Variants in GCN1 observed in about 807,000 individuals in gnomAD.
GCN1 encodes the protein GCN1 activator of EIF2AK4.
A neutral mutation model predicts 288.4 loss-of-function variants in GCN1; 90 were observed. The ratio of observed to expected loss-of-function variants is 0.31; its 90% CI spans 0.26 to 0.37. The LOEUF (loss-of-function observed/expected upper bound fraction) is 0.37, where lower values mean the gene tolerates loss of function less well. Among genes scored for constraint, GCN1 ranks in the 10% least tolerant of loss-of-function variants. The pLI is 1.00. For synonymous variants in GCN1, 1,386 were observed against 1,420.2 expected, an observed-to-expected ratio of 0.98 and a Z score of 0.54; for missense variants, 2,586 against 3,419.9, an observed-to-expected ratio of 0.76 and a Z score of 6.08.
Position 120,144,377 on chromosome 12 carries a change from G to A in GCN1, c.5424C>T (p.Tyr1808=), listed in dbSNP as rs566808528. 21 of 1,614,188 alleles carry A rather than the reference G, an allele frequency of 1.3e-5. No homozygotes were observed. The African/African-American group carries it at 1.7e-4, about 13-fold the overall frequency. ...GCAGCAGGGCGATGGCTGTCTCAGC[G>A]TACATGGAGATAACCCGCTGGCCCG... ...LRAGQRVISM[Y]AETAIALLLP... The change falls in exon 42 of 58, where the codon TAC becomes TAT. Residue 1808 remains tyrosine, a synonymous_variant. Coordinates refer to ENST00000300648, the MANE Select transcript of GCN1 (RefSeq NM_006836.2). This position sits in a 1 kb window ranked among gnomAD's most constrained non-coding sequence, Gnocchi z 4.7.
intron 16 of GCN1, among the ~76,000 whole-genome samples, chr12:120,166,560 C>T (rs942272356): frequency 6.6e-6 from 1 of 151,080 alleles, no homozygotes; most frequent in Non-Finnish European, 1.5e-5. Flanking sequence ...AAAAATTAGC[C>T]AGGCGTGGCG....
intron 16 of GCN1, among the ~76,000 whole-genome samples, chr12:120,167,739 C>T (rs1047568027): frequency 2.0e-5 from 3 of 152,048 alleles, no homozygotes; most frequent in African/African-American, 4.8e-5. Flanking sequence ...ATGAGTCAAA[C>T]GACTCTTCAA....
In GCN1 at chr12:120,153,947, AG is replaced by A. The variant is rs747810481; in HGVS notation, c.3702-39del. ...TGGGAGCACATCAGGAGGGGCAGTC[AG>A]GGGGCCTCCTCTGCCAGTGGAACCT... On this transcript the variant is annotated intron_variant, in intron 31 of 57. Coordinates refer to ENST00000300648, the MANE Select transcript of GCN1 (RefSeq NM_006836.2). This position sits in a 1 kb window ranked among gnomAD's most constrained non-coding sequence, Gnocchi z 4.4. 2.5e-6 allele frequency: 4 copies of A among 1,584,070 alleles called. No individual in the cohort carries two copies. In the African/African-American group the frequency reaches 4.0e-5, roughly 16 times the overall value.
At position 120,153,190 on chromosome 12, in the gene GCN1, G is replaced by A. The variant is rs1321058376; in HGVS notation, c.4062+23C>T. ...TCCCAATTCTCTAACCGACATGTGG[G>A]TCCCAGGCCAGATGGCAGGTACCTG... On this transcript the variant is annotated intron_variant, in intron 33 of 57. Transcript: ENST00000300648. This position sits in a 1 kb window ranked among gnomAD's most constrained non-coding sequence, Gnocchi z 4.4. The A allele has an allele frequency of 1.2e-6, 2 of 1,606,308 alleles. No individual in the cohort carries two copies. Among genetic ancestry groups the A allele is most frequent in the Admixed American group, 1.7e-5 (1 of 59,968 alleles).
chr12:120,149,975 C>A lies in GCN1; in HGVS notation c.4378G>T (p.Val1460Leu). Residue 1460 changes from valine to leucine, a missense_variant, in exon 35 of 58, where the codon GTG (valine) becomes TTG (leucine). Coordinates refer to ENST00000300648, the MANE Select transcript of GCN1 (RefSeq NM_006836.2). Reference protein sequence around the residue: ...GKLFEPYVVHVLPHLLLCFGD... With the variant: ...GKLFEPYVVHLLPHLLLCFGD... ...AAGCACAGGAGCAGATGGGGCAGCACGTGAACCACATACGGCTCAAAAAGT... is the reference window on the plus strand; with the variant it reads ...AAGCACAGGAGCAGATGGGGCAGCAAGTGAACCACATACGGCTCAAAAAGT... 6.2e-7 allele frequency: 1 copy of A among 1,614,082 alleles called. No individual in the cohort carries two copies. The highest frequency in any genetic ancestry group is 8.5e-7 in the Non-Finnish European group (1 of 1,179,980).
Position 120,142,659 on chromosome 12 carries a change from G to A in GCN1, c.5677C>T (p.Arg1893Cys). Residue 1893 changes from arginine (R) to cysteine (C), a missense_variant, in exon 44 of 58, where the codon CGC becomes TGC. Physicochemically the swap from Arg to Cys is radical, Grantham distance 180. This residue lies in a region of GCN1 where 437 missense variants were observed against 570.5 expected (regional missense o/e 0.77). Coordinates refer to ENST00000300648, the MANE Select transcript of GCN1 (RefSeq NM_006836.2). The surrounding 1 kb of genome is among the most constrained non-coding windows in gnomAD (Gnocchi z 4.9). ...CGCACCACCAGCTGGGTGTCTGAGC[G>A]GCCCATGTACAGCCCTGCCAACACC... ...NRVLAGLYMG[R>C]SDTQLVVRQA... The A allele has an allele frequency of 6.2e-7, 1 of 1,614,058 alleles. No homozygotes were observed. The highest frequency in any genetic ancestry group is 8.5e-7 in the Non-Finnish European group (1 of 1,180,010).
Position 120,165,034 on chromosome 12 carries a change from CACAT to C in GCN1, c.1613-317_1613-314del, listed in dbSNP as rs775311178. ...ACACACACACACACACACACACACA[CACAT>C]ATATATATATATATTTTTTTTTTTG... On this transcript the variant is annotated intron_variant, in intron 16 of 57. Coordinates refer to ENST00000300648, the MANE Select transcript of GCN1 (RefSeq NM_006836.2). Among the ~76,000 whole-genome samples the C allele has an allele frequency of 9.7e-3, 1,111 of 115,022 alleles. 4 individuals carry two copies. The highest frequency in any genetic ancestry group is 0.022 in the African/African-American group (713 of 33,068). The allele number at this position is 115,022 out of a possible 152,430, so 75.5% of individuals were successfully genotyped here. A position where few individuals can be genotyped will look rare whatever the true frequency, so the allele number is the denominator to read the frequency against.
At position 120,144,545 on chromosome 12, in the gene GCN1, A is replaced by T; in HGVS notation, c.5352+94T>A. On this transcript the variant is annotated intron_variant, in intron 41 of 57. Coordinates refer to ENST00000300648, the MANE Select transcript of GCN1 (RefSeq NM_006836.2). This position sits in a 1 kb window ranked among gnomAD's most constrained non-coding sequence, Gnocchi z 4.7. The stretch of plus-strand genomic sequence containing the variant: ...CTGAAGGCTGAGGGCTCTGCCAACC[A>T]ACCCCAGCCAGCAGGGATCTCTAGC... 1 of 1,553,806 alleles carries T rather than the reference A, an allele frequency of 6.4e-7. No individual in the cohort carries two copies. Among genetic ancestry groups the T allele is most frequent in the Non-Finnish European group, 8.8e-7 (1 of 1,138,586 alleles).
At position 120,153,126 on chromosome 12, in the gene GCN1, A is replaced by C. The variant is rs569786339; in HGVS notation, c.4062+87T>G. On this transcript the variant is annotated intron_variant, in intron 33 of 57. Transcript: ENST00000300648. The surrounding 1 kb of genome is among the most constrained non-coding windows in gnomAD (Gnocchi z 4.4). ...GGGCTTTCAGGGCCCTGATTGTCCA[A>C]CTCCACCCCTAGTATCCCACCGCCT... is the stretch of plus-strand genomic sequence containing the variant. 5 of 1,144,998 alleles carry C rather than the reference A, an allele frequency of 4.4e-6. No individual in the cohort carries two copies. The East Asian group carries it at 1.2e-4, about 28-fold the overall frequency. The allele number at this position is 1,144,998 out of a possible 1,614,324, so 70.9% of individuals were successfully genotyped here. A position where few individuals can be genotyped will look rare whatever the true frequency, so the allele number is the denominator to read the frequency against.
intron 16 of GCN1, among the ~76,000 whole-genome samples, chr12:120,167,925 C>T (rs1878185600): frequency 1.3e-5 from 2 of 152,068 alleles, no homozygotes; most frequent in African/African-American, 4.8e-5. Flanking sequence ...ACAAGAAAAC[C>T]TCCGAGACAG....
intron 5 of GCN1, among the ~76,000 whole-genome samples, chr12:120,180,715 G>A (rs1594287462): frequency 6.6e-6 from 1 of 151,662 alleles, no homozygotes; most frequent in African/African-American, 2.4e-5. Flanking sequence ...GTGGCCGGGC[G>A]CGGTGGCTCA....
At position 120,184,885 on chromosome 12, in the gene GCN1, G is replaced by A; in HGVS notation, c.124C>T (p.Leu42Phe). 1 of 1,604,878 alleles carries A rather than the reference G, an allele frequency of 6.2e-7. No individual in the cohort carries two copies. Among genetic ancestry groups the A allele is most frequent in the South Asian group, 1.1e-5 (1 of 90,886 alleles). The change falls in exon 3 of 58, where the codon CTT (leucine) becomes TTT (phenylalanine). Residue 42 changes from leucine to phenylalanine, a missense_variant and splice_region_variant. Transcript: ENST00000300648. ...ELGKCVAGKDLPEGAVKGLCK... is the reference protein window; with the variant it reads ...ELGKCVAGKDFPEGAVKGLCK... ...AGCCCCTTCACTGCTCCCTCTGGAA[G>A]ATCTGAAACCAGAGATTACACAGAC...
In GCN1 at chr12:120,175,164, G is replaced by A. The variant is rs772153885; in HGVS notation, c.1091C>T (p.Ser364Leu). ...TVVAQKMSVL[S>L]GIGSVSHHVV... is the part of the protein sequence containing the mutation. ...AAAAAAAAAAAGAAATCCTATACCT[G>A]AGAGGACGCTCATCTTCTGGGCTAC... The change falls in exon 12 of 58, where the codon TCA (serine) becomes TTA (leucine). Residue 364 changes from serine to leucine, a missense_variant and splice_region_variant. Physicochemically the swap from Ser to Leu is moderately radical, Grantham distance 145. Coordinates refer to ENST00000300648, the MANE Select transcript of GCN1 (RefSeq NM_006836.2). The A allele has an allele frequency of 3.3e-6, 5 of 1,512,684 alleles. No homozygotes were observed. Among genetic ancestry groups the A allele is most frequent in the Non-Finnish European group, 4.6e-6 (5 of 1,090,900 alleles). The allele number at this position is 1,512,684 out of a possible 1,614,324, so 93.7% of individuals were successfully genotyped here.
Position 120,134,856 on chromosome 12 carries a change from C to G in GCN1, c.7009-130G>C. The G allele has an allele frequency of 1.3e-6, 1 of 750,702 alleles. No individual in the cohort carries two copies. The highest frequency in any genetic ancestry group is 1.7e-5 in the South Asian group (1 of 57,320). The allele number at this position is 750,702 out of a possible 1,614,324, so 46.5% of individuals were successfully genotyped here. A position where few individuals can be genotyped will look rare whatever the true frequency, so the allele number is the denominator to read the frequency against. On this transcript the variant is annotated intron_variant, in intron 51 of 57. Coordinates refer to ENST00000300648, the MANE Select transcript of GCN1 (RefSeq NM_006836.2). The surrounding 1 kb of genome is among the most constrained non-coding windows in gnomAD (Gnocchi z 5.0). ...TCCAGCTCTCATACAGGGCTGGGGACAGATAGCCCGTCAGAGAGGCCAAAC... is the reference window on the plus strand; with the variant it reads ...TCCAGCTCTCATACAGGGCTGGGGAGAGATAGCCCGTCAGAGAGGCCAAAC...
chr12:120,189,260 A>T (rs1257092924), intron 2 of GCN1, among the ~76,000 whole-genome samples: 3 of 151,692 alleles, frequency 2.0e-5, no homozygotes, highest in African/African-American at 7.3e-5. Flanking sequence ...TTCAGTAGAG[A>T]CAGGGTTTCA....
intron 2 of GCN1, among the ~76,000 whole-genome samples, chr12:120,189,253 A>G (rs572748360): frequency 8.6e-5 from 13 of 150,758 alleles, no homozygotes; most frequent in Admixed American, 3.3e-4. Flanking sequence ...TTGTGTTTTC[A>G]GTAGAGACAG....
chr12:120,186,157 G>A (rs1002497227), intron 2 of GCN1, among the ~76,000 whole-genome samples: 4 of 152,002 alleles, frequency 2.6e-5, no homozygotes, highest in African/African-American at 4.8e-5. Flanking sequence ...TGGCCAACAC[G>A]GTGAAACCCC....
Position 120,130,760 on chromosome 12 carries a change from A to G in GCN1, c.7564-7T>C, listed in dbSNP as rs1188033713. ...CGCTCACCGCAATGGGGATCTGTGG[A>G]GAACAGACAGCGCTAGACGGGAGGC... is the stretch of plus-strand genomic sequence containing the variant. On this transcript the variant is annotated splice_polypyrimidine_tract_variant and splice_region_variant and intron_variant, in intron 55 of 57. Coordinates refer to ENST00000300648, the MANE Select transcript of GCN1 (RefSeq NM_006836.2). 1.3e-6 allele frequency: 2 copies of G among 1,591,334 alleles called. No homozygotes were observed. Among genetic ancestry groups the G allele is most frequent in the Non-Finnish European group, 1.7e-6 (2 of 1,159,716 alleles).
Position 120,165,674 on chromosome 12 carries a change from A to G in GCN1, c.1613-953T>C, listed in dbSNP as rs184414434. On this transcript the variant is annotated intron_variant, in intron 16 of 57. Coordinates refer to ENST00000300648, the MANE Select transcript of GCN1 (RefSeq NM_006836.2). ...TTTTTAGTAGAGACGAGGTTTCACC[A>G]TGTTGGCCAGGATAATTCTGAACTC... is the stretch of plus-strand genomic sequence containing the variant. Among the ~76,000 whole-genome samples, 207 of 151,038 alleles carry G rather than the reference A, an allele frequency of 1.4e-3. 2 individuals are homozygous for G. Among genetic ancestry groups the G allele is most frequent in the Middle Eastern group, 3.4e-3 (1 of 294 alleles).
Sources: allele counts gnomAD v4.1 joint callset (sites outside exome capture counted in the v4.1 genomes callset), GRCh38; gene constraint gnomAD v4.1.1; regional missense constraint gnomAD v4.1.1; non-coding constraint Gnocchi (gnomAD v3.1); transcripts MANE v1.5; gene names NCBI Gene and HGNC (gene_info 2026-07-23, HGNC 2026-07-21).